The following GREB1L variants were observed in gnomAD, a reference collection of about 807,000 sequenced individuals.
GREB1L encodes GREB1 like retinoic acid receptor coactivator.
A neutral mutation model predicts 200.8 loss-of-function variants in GREB1L; 17 were observed. The ratio of observed to expected loss-of-function variants is 0.08; its 90% CI spans 0.06 to 0.13. GREB1L has a LOEUF of 0.13. GREB1L is among the 10% of genes least tolerant of loss of function. The pLI, the probability that GREB1L is intolerant of heterozygous loss-of-function variation, is 1.00. For synonymous variants in GREB1L, 789 were observed against 893.0 expected (o/e 0.88, Z 2.08); for missense variants, 1,657 against 2,367.7 (o/e 0.70, Z 6.23).
chr18:21,406,183 A>C (rs1345858399), intron 7 of GREB1L, among the ~76,000 whole-genome samples: 1 of 152,214 alleles, frequency 6.6e-6, no homozygotes, highest in Non-Finnish European at 1.5e-5. Context: ...AAGTAATACA[A>C]TTTTAATTCT....
At chr18:21,440,673 T>C (rs2033848638) in intron 9 of GREB1L, among the ~76,000 whole-genome samples, 1 of 152,220 alleles carries the variant, frequency 6.6e-6, no homozygotes, top group African/African-American at 2.4e-5. Context: ...GGACTTGTTT[T>C]GCTAGTAGTG....
chr18:21,503,246 G>T (rs150050511), intron 23 of GREB1L, among the ~76,000 whole-genome samples: 2 of 151,544 alleles, frequency 1.3e-5, no homozygotes, highest in Non-Finnish European at 2.9e-5. Context: ...AGTTTCTGTC[G>T]TCCAGGCTGG....
At chr18:21,261,458 C>G (rs2037888635) in intron 1 of GREB1L, among the ~76,000 whole-genome samples, 2 of 152,012 alleles carry the variant, frequency 1.3e-5, no homozygotes, top group Admixed American at 1.3e-4. Context: ...CTTTTAGCAG[C>G]CTTTTCAACT....
chr18:21,523,328 T>C lies in GREB1L; in HGVS notation c.*507T>C, dbSNP rs925763927. On this transcript the variant is annotated 3_prime_UTR_variant, in exon 33 of 33. Transcript: ENST00000424526. ...TTGAAATGATAGAATGTAGACGATA[T>C]TTGTATTTAAAAAAAGAAGTAGCTT... 2.6e-5 allele frequency: 4 copies of C among 152,224 alleles called. No individual in the cohort carries two copies. Among genetic ancestry groups the C allele is most frequent in the African/African-American group, 9.7e-5 (4 of 41,440 alleles). The allele number at this position is 152,224 out of a possible 1,614,324, so 9.4% of individuals were successfully genotyped here.
At chr18:21,324,019 G>A (rs2038988069) in intron 1 of GREB1L, among the ~76,000 whole-genome samples, 1 of 152,142 alleles carries the variant, frequency 6.6e-6, no homozygotes, top group Non-Finnish European at 1.5e-5. Flanking sequence ...TGGAGATTCT[G>A]AAGGGAGAAG....
chr18:21,407,835 G>A (rs1303453287), intron 7 of GREB1L, among the ~76,000 whole-genome samples: 1 of 152,076 alleles, frequency 6.6e-6, no homozygotes, highest in East Asian at 1.9e-4. Flanking sequence ...TGGAACCAGA[G>A]GTCATTCTCA....
intron 15 of GREB1L, among the ~76,000 whole-genome samples, chr18:21,458,809 A>T (rs1295348774): frequency 5.9e-5 from 9 of 152,186 alleles, no homozygotes; most frequent in African/African-American, 1.7e-4. Flanking sequence ...GAGCATTTTT[A>T]TACTATAGGA....
At chr18:21,371,931 T>C (rs931618435) in intron 2 of GREB1L, among the ~76,000 whole-genome samples, 1 of 152,170 alleles carries the variant, frequency 6.6e-6, no homozygotes, top group African/African-American at 2.4e-5. Flanking sequence ...ACTGTCTCCA[T>C]TTTACAGATG....
At position 21,482,375 on chromosome 18, in the gene GREB1L, A is replaced by G. The variant is rs373547283; in HGVS notation, c.2557-3245A>G. 2.0e-5 allele frequency among the ~76,000 whole-genome samples: 3 copies of G among 152,374 alleles called. No individual in the cohort carries two copies. In the South Asian group the frequency reaches 6.2e-4, roughly 32 times the overall value. ...CGGGTTCAAGCGATTCGTCTGCATC[A>G]GCCTCCTGAGTAGCTGGGATTACAG... On this transcript the variant is annotated intron_variant, in intron 17 of 32. Coordinates refer to ENST00000424526, the MANE Select transcript of GREB1L (RefSeq NM_001142966.3).
chr18:21,289,090 G>A (rs993757232), intron 1 of GREB1L, among the ~76,000 whole-genome samples: 10 of 152,152 alleles, frequency 6.6e-5, no homozygotes, highest in Admixed American at 5.9e-4. Flanking sequence ...CTGAGGACAA[G>A]AAAATGAAGA....
chr18:21,437,187 C>T (rs984186384), intron 7 of GREB1L, among the ~76,000 whole-genome samples: 1 of 152,104 alleles, frequency 6.6e-6, no homozygotes, highest in Non-Finnish European at 1.5e-5. Flanking sequence ...CCATAACCTC[C>T]CAAATTGCTG....
At chr18:21,492,587 AC>A (rs1397913814) in intron 19 of GREB1L, among the ~76,000 whole-genome samples, 1 of 152,170 alleles carries the variant, frequency 6.6e-6, no homozygotes, top group Non-Finnish European at 1.5e-5. Context: ...ACCCCTCTGG[AC>A]CACTGTTGGA....
chr18:21,478,581 T>C (rs6508441), intron 17 of GREB1L, among the ~76,000 whole-genome samples: 46,851 of 152,206 alleles, frequency 0.31, 9,642 homozygotes, highest in African/African-American at 0.55. Context: ...CATTGGTTTG[T>C]TCCTTGCAAG....
At chr18:21,519,923 C>CTT (rs796146497) in intron 31 of GREB1L, among the ~76,000 whole-genome samples, 96 of 143,842 alleles carry the variant, frequency 6.7e-4, no homozygotes, top group African/African-American at 2.3e-3. Context: ...CATGCACTGT[C>CTT]TTTTTTTTTT....
intron 7 of GREB1L, among the ~76,000 whole-genome samples, chr18:21,426,853 G>C (rs1402977673): frequency 1.3e-5 from 2 of 151,776 alleles, no homozygotes; most frequent in Admixed American, 6.6e-5. Context: ...CAGCTACTCA[G>C]GAGGCTGAGG....
chr18:21,403,671 C>A (rs1216141966), intron 6 of GREB1L, among the ~76,000 whole-genome samples: 1 of 152,202 alleles, frequency 6.6e-6, no homozygotes, highest in African/African-American at 2.4e-5. Context: ...GAAACCATTT[C>A]TTTGTCTTCC....
chr18:21,244,765 G>A (rs1157449247), intron 1 of GREB1L, among the ~76,000 whole-genome samples: 1 of 152,166 alleles, frequency 6.6e-6, no homozygotes, highest in Non-Finnish European at 1.5e-5. Flanking sequence ...GTGTGTTTAT[G>A]TTGCTGATAG....
intron 25 of GREB1L, 88 bp downstream of exon 25, chr18:21,506,037 C>T: frequency 1.5e-6 from 2 of 1,338,748 alleles, no homozygotes; most frequent in South Asian, 1.6e-5. Context: ...AAAATAAGGC[C>T]CCTAGTTTCA....
At chr18:21,288,322 A>T (rs1384665041) in intron 1 of GREB1L, among the ~76,000 whole-genome samples, 1 of 151,960 alleles carries the variant, frequency 6.6e-6, no homozygotes, top group Non-Finnish European at 1.5e-5. Context: ...CTCTCTGTGG[A>T]GGGAGCTATG....
Sources: allele counts gnomAD v4.1 joint callset (sites outside exome capture counted in the v4.1 genomes callset), GRCh38; gene constraint gnomAD v4.1.1; transcripts MANE v1.5; gene names NCBI Gene and HGNC (gene_info 2026-07-23, HGNC 2026-07-21).